Variants in SLC12A5 observed in about 807,000 individuals in gnomAD.
The protein encoded by SLC12A5 is K-Cl cotransporter 2.
SLC12A5 carries 18 observed loss-of-function variants against 124.0 expected under a neutral mutation model. The observed-to-expected ratio is 0.15, with a 90% confidence interval of 0.10 to 0.22. The LOEUF (loss-of-function observed/expected upper bound fraction) is 0.22. SLC12A5 is among the 10% of genes least tolerant of loss of function. SLC12A5 has a pLI of 1.00. For synonymous variants in SLC12A5, 589 were observed against 568.0 expected (o/e 1.04, Z -0.53); for missense variants, 867 against 1,478.7 (o/e 0.59, Z 6.78).
upstream of SLC12A5, among the ~76,000 whole-genome samples, chr20:46,025,290 G>C (rs1470928276): frequency 6.6e-6 from 1 of 152,090 alleles, no homozygotes; most frequent in Non-Finnish European, 1.5e-5. Context: ...ATATATGTTG[G>C]ATCTGGAGAT....
At chr20:46,021,949 G>A (rs1439658953) in intron 1 of SLC12A5, 4 of 1,435,498 alleles carry the variant, frequency 2.8e-6, no homozygotes, top group East Asian at 5.4e-5. Context: ...GGGCCGGGGC[G>A]GACCGTCTGT....
chr20:46,041,235 G>T, intron 7 of SLC12A5, 94 bp from the exon 8 acceptor site: 5 of 1,032,482 alleles, frequency 4.8e-6, no homozygotes, highest in South Asian at 2.9e-5. Context: ...GGGACCTGGC[G>T]TCCGTGTGTT....
rs2084656262 is a variant in SLC12A5 at position 46,052,663 on chromosome 20, A to G, written c.2378-294A>G. Among the ~76,000 whole-genome samples the G allele has an allele frequency of 5.9e-5, 9 of 152,360 alleles. No homozygotes were observed. In the South Asian group the frequency reaches 1.9e-3, roughly 32 times the overall value. On this transcript the variant is annotated intron_variant, in intron 18 of 25. Transcript: ENST00000243964. The stretch of plus-strand genomic sequence containing the variant: ...TGGTTACAAGGTGTTGGGAGGATTC[A>G]GTGTGGTCATACATGATGGGCTCTT...
chr20:46,036,704 A>AC (rs1164604071), intron 4 of SLC12A5, 37 bp from the exon 5 acceptor site: 1 of 1,612,568 alleles, frequency 6.2e-7, no homozygotes, highest in Non-Finnish European at 8.5e-7. Flanking sequence ...TGCGGCCCCT[A>AC]CCCCAGCCAC....
intron 18 of SLC12A5, 29 bp downstream of exon 18, chr20:46,051,899 GA>G: frequency 7.4e-7 from 1 of 1,353,520 alleles, no homozygotes; most frequent in Non-Finnish European, 1.0e-6. Context: ...GGGGACAGAA[GA>G]GGGGTGGGGC....
rs1440131232 is a variant in SLC12A5, at chr20:46,040,260, A to C, written c.613-113A>C. ...TCTCCTATTACTGGATGTCTTTTCC[A>C]GTCTGGTACCACTGTGACTGTGCTG... On this transcript the variant is annotated intron_variant, in intron 6 of 25. Coordinates refer to ENST00000243964, the MANE Select transcript of SLC12A5 (RefSeq NM_020708.5). 5 of 1,469,298 alleles carry C rather than the reference A, an allele frequency of 3.4e-6. No homozygotes were observed. The Admixed American group carries it at 9.2e-5, about 27-fold the overall frequency. 91.0% of individuals were successfully genotyped at this position (1,469,298 alleles called of 1,614,324 possible).
Position 46,053,565 on chromosome 20 carries a change from T to A in SLC12A5, c.2548-13T>A. 1 of 1,613,342 alleles carries A rather than the reference T, an allele frequency of 6.2e-7. No homozygotes were observed. Among genetic ancestry groups the A allele is most frequent in the East Asian group, 2.2e-5 (1 of 44,874 alleles). ...TGGGCTGGACCTTTCTGAATCCCCT[T>A]CATCGCCTGCAGGTCTGGCGGAAGT... On this transcript the variant is annotated splice_polypyrimidine_tract_variant and intron_variant, in intron 19 of 25. Coordinates refer to ENST00000243964, the MANE Select transcript of SLC12A5 (RefSeq NM_020708.5). The surrounding 1 kb of genome is among the most constrained non-coding windows in gnomAD (Gnocchi z 4.7).
intron 6 of SLC12A5, among the ~76,000 whole-genome samples, chr20:46,039,279 TC>T (rs146378327): frequency 0.031 from 4,785 of 152,354 alleles, 117 homozygotes; most frequent in Non-Finnish European, 0.048. Flanking sequence ...GAATAGATTA[TC>T]CACATTTTTT....
Position 46,051,806 on chromosome 20 carries a change from G to A in SLC12A5, c.2313G>A (p.Val771=), listed in dbSNP as rs2084649174. 2 of 1,598,028 alleles carry A rather than the reference G, an allele frequency of 1.3e-6. No individual in the cohort carries two copies. Among genetic ancestry groups the A allele is most frequent in the Admixed American group, 1.8e-5 (1 of 56,808 alleles). The part of the protein sequence containing the change: ...GGLGGLQHNT[V]LVGWPRNWRQ... The stretch of plus-strand genomic sequence containing the variant: ...TCGGGGGGCTGCAGCACAACACTGT[G>A]CTTGTTGGCTGGCCCCGCAACTGGC... Residue 771 remains valine (V), a synonymous_variant, in exon 18 of 26, where the codon GTG becomes GTA. Transcript: ENST00000243964.
chr20:46,057,197 C>T lies in SLC12A5; in HGVS notation c.3153C>T (p.His1051=). The T allele has an allele frequency of 6.2e-7, 1 of 1,614,216 alleles. No homozygotes were observed. Among genetic ancestry groups the T allele is most frequent in the Non-Finnish European group, 8.5e-7 (1 of 1,180,044 alleles). The stretch of plus-strand genomic sequence containing the variant: ...ACCAGTCCAACGTGCGGCGCATGCA[C>T]ACGGCCGTGCGGCTGAACGAGGTCA... ...NLNQSNVRRM[H]TAVRLNEVIV... The change falls in exon 25 of 26, where the codon CAC becomes CAT. Residue 1051 remains histidine, a synonymous_variant. Transcript: ENST00000243964. This position sits in a 1 kb window ranked among gnomAD's most constrained non-coding sequence, Gnocchi z 7.1.
chr20:46,034,284 G>C (rs932654436), intron 1 of SLC12A5, among the ~76,000 whole-genome samples: 1 of 152,126 alleles, frequency 6.6e-6, no homozygotes, highest in African/African-American at 2.4e-5. Flanking sequence ...AGACTCCCAT[G>C]ACCTCCCAAT....
intron 8 of SLC12A5, 52 bp from the exon 9 acceptor site, chr20:46,043,101 G>C: frequency 1.9e-6 from 3 of 1,587,824 alleles, no homozygotes; most frequent in South Asian, 2.3e-5. Context: ...TGGTCCCAGA[G>C]CTCTGGTCCC....
exon 2 of SLC12A5, chr20:46,023,027 A>T (rs2145465763): frequency 5.0e-6 from 2 of 403,838 alleles, no homozygotes; most frequent in South Asian, 1.2e-4. Context: ...GAGAAGGAGG[A>T]GGAGAAGCCT....
chr20:46,039,119 G>A (rs2084522455), intron 6 of SLC12A5, among the ~76,000 whole-genome samples: 1 of 152,092 alleles, frequency 6.6e-6, no homozygotes, highest in Non-Finnish European at 1.5e-5. Flanking sequence ...TTTCTATGTG[G>A]TATTGTATTC....
chr20:46,041,987 G>T (rs1258270816), intron 8 of SLC12A5, among the ~76,000 whole-genome samples: 1 of 152,192 alleles, frequency 6.6e-6, no homozygotes, highest in Admixed American at 6.5e-5. Flanking sequence ...ACTGAGGAGG[G>T]TTTTGAAGGA....
At chr20:46,050,501 G>A (rs1386174204) in intron 17 of SLC12A5, among the ~76,000 whole-genome samples, 1 of 152,184 alleles carries the variant, frequency 6.6e-6, no homozygotes, top group Non-Finnish European at 1.5e-5. Context: ...CATCAGGGCT[G>A]TGGCTAGCAG....
At chr20:46,046,948 C>T (rs977044912) in intron 14 of SLC12A5, among the ~76,000 whole-genome samples, 17 of 152,334 alleles carry the variant, frequency 1.1e-4, no homozygotes, top group East Asian at 1.9e-4. Context: ...AATAGGCCCT[C>T]GGGGGCAGAC....
Position 46,057,488 on chromosome 20 carries a change from G to A in SLC12A5, c.3260-26G>A, listed in dbSNP as rs1223793359. ...ATTTCGTCGGGAGGGAAGGAGACCG[G>A]GTCTTTCTCCTTGACCGGCTCTCAG... On this transcript the variant is annotated intron_variant, in intron 25 of 25. Coordinates refer to ENST00000243964, the MANE Select transcript of SLC12A5 (RefSeq NM_020708.5). The surrounding 1 kb of genome is among the most constrained non-coding windows in gnomAD (Gnocchi z 7.1). The A allele has an allele frequency of 6.2e-7, 1 of 1,611,070 alleles. No homozygotes were observed. The highest frequency in any genetic ancestry group is 2.2e-5 in the East Asian group (1 of 44,830).
At chr20:46,035,257 C>T in intron 2 of SLC12A5, 147 bp from the exon 3 acceptor site, 1 of 1,103,692 alleles carries the variant, frequency 9.1e-7, no homozygotes, top group South Asian at 1.4e-5. Context: ...TACCCCTGTT[C>T]TCCTCACCTG....
Sources: allele counts gnomAD v4.1 joint callset (sites outside exome capture counted in the v4.1 genomes callset), GRCh38; gene constraint gnomAD v4.1.1; non-coding constraint Gnocchi (gnomAD v3.1); transcripts MANE v1.5; gene names NCBI Gene and HGNC (gene_info 2026-07-23, HGNC 2026-07-21).